The following P3H1 variants were observed in gnomAD, a reference collection of about 807,000 sequenced individuals.
The protein encoded by P3H1 is prolyl 3-hydroxylase 1.
P3H1 carries 69 observed loss-of-function variants against 84.0 expected under a neutral mutation model. The observed-to-expected ratio is 0.82, with a 90% confidence interval of 0.68 to 1.00. P3H1 has a LOEUF of 1.00. Ranked by LOEUF, P3H1 falls within the 50% of genes least tolerant of loss-of-function variation. The probability of loss-of-function intolerance (pLI) is 0.00; values close to 1 mark genes in which losing one functional copy is unlikely to be tolerated. For synonymous variants in P3H1, 366 were observed against 388.8 expected (o/e 0.94, Z 0.69); for missense variants, 878 against 962.8 (o/e 0.91, Z 1.17).
chr1:42,758,740 C>T (rs1652535361), intron 4 of P3H1, 112 bp downstream of exon 4: 1 of 1,281,602 alleles, frequency 7.8e-7, no homozygotes, highest in Non-Finnish European at 1.1e-6. Flanking sequence ...CCTCCCATAG[C>T]TACTGAAATA....
At chr1:42,755,245 G>T (rs901608364) in intron 6 of P3H1, 28 bp from the exon 7 acceptor site, 2 of 1,606,024 alleles carry the variant, frequency 1.2e-6, no homozygotes, top group South Asian at 1.1e-5. Flanking sequence ...AAATGAAAAA[G>T]GTAAGATGAT....
intron 1 of P3H1, among the ~76,000 whole-genome samples, chr1:42,763,547 C>T (rs1652829264): frequency 6.6e-6 from 1 of 151,468 alleles, no homozygotes; most frequent in Non-Finnish European, 1.5e-5. Flanking sequence ...TGGCGCACAC[C>T]CGTAATCCCA....
At chr1:42,752,507 G>A (rs1652165075) in intron 9 of P3H1, 30 bp downstream of exon 9, 1 of 1,613,746 alleles carries the variant, frequency 6.2e-7, no homozygotes, top group Admixed American at 1.7e-5. Flanking sequence ...GGACCCTTGG[G>A]GGAAGGTGCA....
intron 4 of P3H1, among the ~76,000 whole-genome samples, chr1:42,758,283 TCCTA>T (rs1652512134): frequency 6.6e-6 from 1 of 152,250 alleles, no homozygotes; most frequent in Non-Finnish European, 1.5e-5. Context: ...TTCCCTGTCT[TCCTA>T]CCTTCTTTTT....
chr1:42,757,868 G>C lies in P3H1; in HGVS notation c.995C>G (p.Pro332Arg). Residue 332 changes from proline to arginine, a missense_variant, in exon 5 of 15, where the codon CCC (proline) becomes CGC (arginine). By Grantham distance (103) the Pro-to-Arg change is moderately radical. Transcript: ENST00000296388. ...ATTTTGGTTCATCACCTCGTCATTG[G>C]GGAAGAAGAGAAGATAGGTCTTGGC... is the stretch of plus-strand genomic sequence containing the variant. ...ECAKTYLLFFPNDEVMNQNLA... is the reference protein window; with the variant it reads ...ECAKTYLLFFRNDEVMNQNLA... The C allele has an allele frequency of 6.2e-7, 1 of 1,614,180 alleles. No homozygotes were observed. Among genetic ancestry groups the C allele is most frequent in the South Asian group, 1.1e-5 (1 of 91,082 alleles).
chr1:42,757,850 T>C lies in P3H1; in HGVS notation c.1013A>G (p.Asn338Ser). Residue 338 changes from asparagine to serine, a missense_variant, in exon 5 of 15, where the codon AAC (asparagine) becomes AGC (serine). Asn to Ser is a conservative substitution (Grantham distance 46). Coordinates refer to ENST00000296388, the MANE Select transcript of P3H1 (RefSeq NM_022356.4). The part of the protein sequence containing the change: ...LLFFPNDEVM[N>S]QNLAYYAAML... Reference sequence around the variant, plus strand: ...AGCTGCATAATAGGCCAAATTTTGGTTCATCACCTCGTCATTGGGGAAGAA... The same window carrying C: ...AGCTGCATAATAGGCCAAATTTTGGCTCATCACCTCGTCATTGGGGAAGAA... 1 of 1,614,224 alleles carries C rather than the reference T, an allele frequency of 6.2e-7. No individual in the cohort carries two copies. The highest frequency in any genetic ancestry group is 8.5e-7 in the Non-Finnish European group (1 of 1,180,040).
chr1:42,758,968 A>T lies in P3H1; in HGVS notation c.824T>A (p.Val275Asp). 3 of 1,614,200 alleles carry T rather than the reference A, an allele frequency of 1.9e-6. No individual in the cohort carries two copies. The highest frequency in any genetic ancestry group is 2.5e-6 in the Non-Finnish European group (3 of 1,180,036). The change falls in exon 4 of 15, where the codon GTC becomes GAC. Residue 275 changes from valine (V) to aspartate (D), a missense_variant. Coordinates refer to ENST00000296388, the MANE Select transcript of P3H1 (RefSeq NM_022356.4). ...FQAITDHYIQ[V>D]LNCKQNCVTE... Reference sequence around the variant, plus strand: ...GACACAGTTCTGCTTACAGTTGAGGACCTGGATGTAATGATCTGAAAGGAA... The same window carrying T: ...GACACAGTTCTGCTTACAGTTGAGGTCCTGGATGTAATGATCTGAAAGGAA...
At chr1:42,752,760 A>C in intron 8 of P3H1, 96 bp from the exon 9 acceptor site, 1 of 1,515,294 alleles carries the variant, frequency 6.6e-7, no homozygotes, top group South Asian at 1.2e-5. Context: ...TAGAAATTCC[A>C]GCTGTTTCCT....
intron 5 of P3H1, among the ~76,000 whole-genome samples, chr1:42,756,954 G>A (rs1297835443): frequency 6.6e-6 from 1 of 152,232 alleles, no homozygotes; most frequent in African/African-American, 2.4e-5. Context: ...ACAGAGCTTC[G>A]CCTGGACAGC....
Position 42,747,009 on chromosome 1 carries a change from G to A in P3H1, c.2056-157C>T, listed in dbSNP as rs80296318. 7,152 of 1,614,184 alleles carry A rather than the reference G, an allele frequency of 4.4e-3. 278 individuals carry two copies. In the Admixed American group the frequency reaches 0.066, roughly 15 times the overall value. ...TACTCTCTGGAAAAGGACAGCTGAA[G>A]TGGGGCCCAAGGAGGGAACCAAGAA... On this transcript the variant is annotated intron_variant, in intron 14 of 14. Transcript: ENST00000296388.
chr1:42,760,976 C>CT (rs34698953), intron 2 of P3H1: 65,487 of 104,432 alleles, frequency 0.63, 21,568 homozygotes, highest in South Asian at 0.78. Context: ...AAAAGTCATT[C>CT]TTTTTTTTTT....
Position 42,754,443 on chromosome 1 carries a change from G to A in P3H1, c.1345+426C>T, listed in dbSNP as rs1652274635. Among the ~76,000 whole-genome samples, 2 of 152,098 alleles carry A rather than the reference G, an allele frequency of 1.3e-5. No individual in the cohort carries two copies. The highest frequency in any genetic ancestry group is 4.1e-4 in the South Asian group (2 of 4,824). On this transcript the variant is annotated intron_variant, in intron 8 of 14. Transcript: ENST00000296388. The surrounding 1 kb of genome is among the most constrained non-coding windows in gnomAD (Gnocchi z 4.0). Reference sequence around the variant, plus strand: ...AACCGGGAGAAAACAGTTTGGGAGTGGGGAGACAGGATGAGTTAATACCTA... The same window carrying A: ...AACCGGGAGAAAACAGTTTGGGAGTAGGGAGACAGGATGAGTTAATACCTA...
chr1:42,755,580 A>G lies in P3H1; in HGVS notation c.1138T>C (p.Tyr380His), dbSNP rs777259055. The change falls in exon 6 of 15, where the codon TAT becomes CAT. Residue 380 changes from tyrosine to histidine, a missense_variant. Physicochemically the swap from Tyr to His is moderately conservative, Grantham distance 83. Transcript: ENST00000296388. ...ACAAAGGGAATTCCAAAAACATCAT[A>G]AGCGAAGAAAAGCAGTTCTTTTTCC... is the stretch of plus-strand genomic sequence containing the variant. ...LLEKELLFFA[Y>H]DVFGIPFVDP... The G allele has an allele frequency of 5.0e-6, 8 of 1,613,898 alleles. No homozygotes were observed. The South Asian group carries it at 8.8e-5, about 18-fold the overall frequency.
chr1:42,762,825 C>G (rs1652791508), intron 1 of P3H1, among the ~76,000 whole-genome samples: 1 of 152,162 alleles, frequency 6.6e-6, no homozygotes, highest in African/African-American at 2.4e-5. Context: ...GGTGCGGTGG[C>G]TCAGGTCTGT....
chr1:42,749,217 G>A (rs1252898800), intron 11 of P3H1, among the ~76,000 whole-genome samples: 3 of 152,258 alleles, frequency 2.0e-5, no homozygotes, highest in Non-Finnish European at 4.4e-5. Flanking sequence ...CCCACCGGGG[G>A]CTTGTGACAC....
At chr1:42,763,380 C>G (rs1320729730) in intron 1 of P3H1, among the ~76,000 whole-genome samples, 2 of 151,628 alleles carry the variant, frequency 1.3e-5, no homozygotes, top group Non-Finnish European at 2.9e-5. Context: ...TCTAAGAAAT[C>G]TGAGGGGGTG....
At chr1:42,761,101 C>T (rs749808096) in intron 2 of P3H1, 1 of 150,980 alleles carries the variant, frequency 6.6e-6, no homozygotes, top group Non-Finnish European at 1.5e-5. Context: ...TGTCGAGTAG[C>T]TGGGATTACG....
At position 42,750,933 on chromosome 1, in the gene P3H1, C is replaced by T. The variant is rs1279017469; in HGVS notation, c.1570-597G>A. The stretch of plus-strand genomic sequence containing the variant: ...CCTCTGCCTGGCCAGCCGCCCCGTC[C>T]GGGAGGGTGGTGGGGGGGTCAGCCC... On this transcript the variant is annotated intron_variant, in intron 10 of 14. Transcript: ENST00000296388. Among the ~76,000 whole-genome samples, 14 of 137,880 alleles carry T rather than the reference C, an allele frequency of 1.0e-4. No individual in the cohort carries two copies. In the South Asian group the frequency reaches 2.6e-3, roughly 26 times the overall value. 90.5% of individuals were successfully genotyped at this position (137,880 alleles called of 152,430 possible). A position where few individuals can be genotyped will look rare whatever the true frequency, so the allele number is the denominator to read the frequency against.
chr1:42,752,165 G>T, intron 10 of P3H1, 109 bp downstream of exon 10: 1 of 890,432 alleles, frequency 1.1e-6, no homozygotes, highest in Non-Finnish European at 1.9e-6. Context: ...GTTGGCAGGT[G>T]GACCCTCTTC....
Sources: allele counts gnomAD v4.1 joint callset (sites outside exome capture counted in the v4.1 genomes callset), GRCh38; gene constraint gnomAD v4.1.1; non-coding constraint Gnocchi (gnomAD v3.1); transcripts MANE v1.5; gene names NCBI Gene and HGNC (gene_info 2026-07-23, HGNC 2026-07-21).